Variants in ADAM32 observed in about 807,000 individuals in gnomAD.
ADAM32 encodes disintegrin and metalloproteinase domain-containing protein 32.
Under a neutral mutation model 114.9 loss-of-function variants are expected in ADAM32, and 89 were observed. The observed-to-expected ratio is 0.77, with a 90% confidence interval of 0.65 to 0.92. The LOEUF (loss-of-function observed/expected upper bound fraction) is 0.92, where lower values mean the gene tolerates loss of function less well. ADAM32 is among the 40% of genes least tolerant of loss of function. ADAM32 has a pLI of 0.00. For synonymous variants in ADAM32, 285 were observed against 307.5 expected (o/e 0.93, Z 0.77); for missense variants, 870 against 932.8 (o/e 0.93, Z 0.88).
intron 18 of ADAM32, 26 bp downstream of exon 18, chr8:39,254,542 C>A (rs1442667773): frequency 6.8e-7 from 1 of 1,467,752 alleles, no homozygotes. Context: ...TTTAAATACC[C>A]ATTTAATAAA....
intron 12 of ADAM32, among the ~76,000 whole-genome samples, chr8:39,220,665 A>T (rs769779630): frequency 7.9e-5 from 12 of 151,438 alleles, no homozygotes; most frequent in Non-Finnish European, 1.8e-4. Context: ...TTATTTCTTC[A>T]TTGACTATTG....
intron 17 of ADAM32, among the ~76,000 whole-genome samples, chr8:39,247,011 G>C (rs187005244): frequency 1.3e-5 from 2 of 151,968 alleles, no homozygotes; most frequent in Non-Finnish European, 2.9e-5. Context: ...ATGTTTCTCC[G>C]TGTTTTTCTA....
chr8:39,164,355 G>C (rs760832487), intron 7 of ADAM32, among the ~76,000 whole-genome samples: 4 of 152,196 alleles, frequency 2.6e-5, no homozygotes, highest in Non-Finnish European at 5.9e-5. Context: ...ATGTACTACA[G>C]TTTATTTAAC....
chr8:39,264,270 C>A (rs939907640), intron 19 of ADAM32, among the ~76,000 whole-genome samples: 1 of 152,158 alleles, frequency 6.6e-6, no homozygotes, highest in East Asian at 1.9e-4. Flanking sequence ...TCAGTTTCTT[C>A]ATGGTTCAAT....
At chr8:39,260,565 G>A (rs1156933719) in intron 19 of ADAM32, among the ~76,000 whole-genome samples, 1 of 152,064 alleles carries the variant, frequency 6.6e-6, no homozygotes, top group East Asian at 1.9e-4. Flanking sequence ...TCTGTTGAGT[G>A]TATTTTCAAC....
chr8:39,162,307 A>G (rs1348500242), intron 7 of ADAM32, among the ~76,000 whole-genome samples: 1 of 151,876 alleles, frequency 6.6e-6, no homozygotes, highest in East Asian at 1.9e-4. Context: ...GATGGTTTCC[A>G]GCTTCATTCA....
At position 39,160,794 on chromosome 8, in the gene ADAM32, T is replaced by C. The variant is rs560402273; in HGVS notation, c.526-103T>C. On this transcript the variant is annotated intron_variant, in intron 6 of 24. Coordinates refer to ENST00000379907, the MANE Select transcript of ADAM32 (RefSeq NM_145004.7). ...TAACCAATTTGATAAAGCAAACACC[T>C]CTGCATATCTTGTAAGTGCTGTGGT... 81 of 981,516 alleles carry C rather than the reference T, an allele frequency of 8.3e-5. No homozygotes were observed. The African/African-American group carries it at 1.0e-3, about 13-fold the overall frequency. 60.8% of individuals were successfully genotyped at this position (981,516 alleles called of 1,614,324 possible).
chr8:39,166,956 G>C (rs878950200), intron 9 of ADAM32: 2 of 152,156 alleles, frequency 1.3e-5, no homozygotes, highest in South Asian at 2.1e-4. Flanking sequence ...CAGATGTATA[G>C]ATTGTGAAGA....
In ADAM32 at chr8:39,208,665, A is replaced by G. The variant is rs564979756; in HGVS notation, c.1053-2479A>G. On this transcript the variant is annotated intron_variant, in intron 11 of 24. Transcript: ENST00000379907. ...TTTAAGGATAGTTTTCCTGGGTACA[A>G]TATTCTTGGTTGAAAGTTTTTTCCT... is the stretch of plus-strand genomic sequence containing the variant. Among the ~76,000 whole-genome samples, 9 of 152,236 alleles carry G rather than the reference A, an allele frequency of 5.9e-5. No homozygotes were observed. The South Asian group carries it at 1.7e-3, about 28-fold the overall frequency.
chr8:39,159,953 C>A (rs1487520847), intron 6 of ADAM32, among the ~76,000 whole-genome samples: 1 of 152,078 alleles, frequency 6.6e-6, no homozygotes, highest in Non-Finnish European at 1.5e-5. Context: ...AACCCAGCAG[C>A]TTTTTTCCCC....
At chr8:39,144,632 A>T (rs1006327950) in intron 3 of ADAM32, among the ~76,000 whole-genome samples, 1 of 141,506 alleles carries the variant, frequency 7.1e-6, no homozygotes, top group Non-Finnish European at 1.5e-5. Context: ...ACTCTCTGCA[A>T]ATTAGGCCTA....
chr8:39,108,041 T>C lies in ADAM32; in HGVS notation c.58+208T>C, dbSNP rs62504761. ...GCTCACGCCTGTAATCCCAGGGCTT[T>C]GAGAGACTGAGGCGAGCTGATTGTT... On this transcript the variant is annotated intron_variant, in intron 1 of 24. Transcript: ENST00000379907. The C allele has an allele frequency of 5.4e-3, 3,189 of 593,606 alleles. 11 individuals are homozygous for C. Among genetic ancestry groups the C allele is most frequent in the Non-Finnish European group, 6.6e-3 (2,483 of 378,980 alleles). 36.8% of individuals were successfully genotyped at this position (593,606 alleles called of 1,614,324 possible). A position where few individuals can be genotyped will look rare whatever the true frequency, so the allele number is the denominator to read the frequency against.
At chr8:39,164,019 T>A (rs539263053) in intron 7 of ADAM32, among the ~76,000 whole-genome samples, 9 of 152,266 alleles carry the variant, frequency 5.9e-5, no homozygotes, top group African/African-American at 2.2e-4. Context: ...TGTGTGTGCA[T>A]TTATGTACAG....
intron 4 of ADAM32, among the ~76,000 whole-genome samples, chr8:39,148,053 A>G (rs568967282): frequency 6.6e-6 from 1 of 152,198 alleles, no homozygotes; most frequent in African/African-American, 2.4e-5. Flanking sequence ...TGCTAGGATT[A>G]CAGGTGTGAG....
At chr8:39,156,154 T>C (rs1363001448) in intron 6 of ADAM32, among the ~76,000 whole-genome samples, 1 of 152,152 alleles carries the variant, frequency 6.6e-6, no homozygotes, top group Non-Finnish European at 1.5e-5. Context: ...AGTATCTTTT[T>C]TTTTGGAGGC....
intron 9 of ADAM32, 135 bp from the exon 10 acceptor site, chr8:39,169,778 TGAG>T (rs1437027821): frequency 1.8e-6 from 1 of 547,314 alleles, no homozygotes; most frequent in East Asian, 2.9e-5. Flanking sequence ...TTGAAACAAT[TGAG>T]GACATATGGA....
intron 2 of ADAM32, among the ~76,000 whole-genome samples, chr8:39,123,960 G>C (rs1801946780): frequency 6.6e-6 from 1 of 151,738 alleles, no homozygotes; most frequent in South Asian, 2.1e-4. Flanking sequence ...ACCTCCGTCA[G>C]CCTCTCAAAG....
chr8:39,227,572 G>A (rs1281052251), intron 14 of ADAM32, among the ~76,000 whole-genome samples: 3 of 152,200 alleles, frequency 2.0e-5, no homozygotes, highest in East Asian at 1.9e-4. Context: ...CCCCACTTCC[G>A]TGACAACCTG....
chr8:39,217,452 C>T (rs902863602), intron 12 of ADAM32, among the ~76,000 whole-genome samples: 6 of 152,076 alleles, frequency 3.9e-5, no homozygotes, highest in African/African-American at 1.4e-4. Context: ...AAGCTTTCTA[C>T]CCCCATCTCT....
Sources: gnomAD v4.1 joint callset for allele counts (sites outside exome capture counted in the v4.1 genomes callset) on GRCh38, gnomAD v4.1.1 for gene constraint, MANE v1.5 for transcripts, NCBI Gene and HGNC (gene_info 2026-07-23, HGNC 2026-07-21) for gene names.